LINGO2: variants seen among roughly 807,000 people sequenced by gnomAD.
The protein encoded by LINGO2 is leucine rich repeat and Ig domain containing 2, also known as leucine-rich repeat and immunoglobulin-like domain-containing nogo receptor-interacting protein 2.
LINGO2 carries 14 observed loss-of-function variants against 30.6 expected under a neutral mutation model. The ratio of observed to expected loss-of-function variants is 0.46; its 90% CI spans 0.30 to 0.72. The LOEUF is 0.72. Ranked by LOEUF, LINGO2 falls within the 30% of genes least tolerant of loss-of-function variation. The pLI is 0.07. For synonymous variants in LINGO2, 317 were observed against 288.5 expected, an observed-to-expected ratio of 1.10 and a Z score of -1.00; for missense variants, 729 against 751.7, an observed-to-expected ratio of 0.97 and a Z score of 0.35.
intron 4 of LINGO2, among the ~76,000 whole-genome samples, chr9:28,134,992 C>T (rs1827475920): frequency 6.6e-6 from 1 of 152,206 alleles, no homozygotes; most frequent in African/African-American, 2.4e-5. Context: ...GCCTAGAAGG[C>T]TGCATAGGCC....
chr9:28,458,569 G>A (rs1233314183), intron 2 of LINGO2, among the ~76,000 whole-genome samples: 1 of 152,070 alleles, frequency 6.6e-6, no homozygotes, highest in African/African-American at 2.4e-5. Context: ...AAGATCTGGA[G>A]CAAAAACTTG....
the LINGO2 span, among the ~76,000 whole-genome samples, chr9:29,130,921 C>T: frequency 6.6e-6 from 1 of 152,042 alleles, no homozygotes; most frequent in Non-Finnish European, 1.5e-5. Flanking sequence ...AAGCCTGAGA[C>T]CTGGAATCTG....
intron 4 of LINGO2, among the ~76,000 whole-genome samples, chr9:28,016,880 C>T (rs1482166526): frequency 6.6e-6 from 1 of 151,892 alleles, no homozygotes; most frequent in Non-Finnish European, 1.5e-5. Context: ...GCAGAGACAA[C>T]AACAACAAAA....
the LINGO2 span, among the ~76,000 whole-genome samples, chr9:29,042,729 T>G: frequency 2.6e-5 from 4 of 151,974 alleles, no homozygotes; most frequent in Admixed American, 2.0e-4. Context: ...CTAAATCAAC[T>G]TAATTAACAT....
intron 4 of LINGO2, among the ~76,000 whole-genome samples, chr9:28,099,862 A>G (rs970229803): frequency 6.6e-6 from 1 of 151,926 alleles, no homozygotes; most frequent in Non-Finnish European, 1.5e-5. Flanking sequence ...CTCTTGTTCA[A>G]CTCAGACCCT....
At chr9:29,042,634 A>C in the LINGO2 span, among the ~76,000 whole-genome samples, 19 of 151,920 alleles carry the variant, frequency 1.3e-4, no homozygotes, top group Non-Finnish European at 1.5e-5. Context: ...TACCTTTAAA[A>C]CGTGTTTTAA....
At chr9:28,683,256 G>T in the LINGO2 span, among the ~76,000 whole-genome samples, 1 of 151,828 alleles carries the variant, frequency 6.6e-6, no homozygotes, top group South Asian at 2.1e-4. Context: ...CCTTTCTCTT[G>T]GTTCCAGACA....
intron 2 of LINGO2, among the ~76,000 whole-genome samples, chr9:28,411,931 AT>A (rs1036484161): frequency 6.6e-6 from 1 of 151,988 alleles, no homozygotes; most frequent in African/African-American, 2.4e-5. Flanking sequence ...AAAACTTGTT[AT>A]TTTTTTATTA....
At position 28,552,944 on chromosome 9, in the gene LINGO2, G is replaced by A. The variant is rs117613043; in HGVS notation, c.-364-76919C>T. On this transcript the variant is annotated intron_variant, in intron 1 of 5. Coordinates refer to ENST00000379992, the Ensembl canonical transcript of LINGO2. ...ATGAAGAACCTTTTCTCACATCTTT[G>A]AGGATATTAATCCCAGATATTTTGA... Among the ~76,000 whole-genome samples the A allele has an allele frequency of 4.8e-3, 723 of 149,974 alleles. 3 individuals carry two copies. Among genetic ancestry groups the A allele is most frequent in the Non-Finnish European group, 6.5e-3 (437 of 67,650 alleles).
intron 4 of LINGO2, among the ~76,000 whole-genome samples, chr9:28,047,248 T>C (rs1430201877): frequency 6.6e-6 from 1 of 152,238 alleles, no homozygotes; most frequent in East Asian, 1.9e-4. Context: ...CACCAACCTG[T>C]AGTGATCTGA....
the LINGO2 span, among the ~76,000 whole-genome samples, chr9:28,819,473 A>T: frequency 6.6e-6 from 1 of 152,296 alleles, no homozygotes; most frequent in South Asian, 2.1e-4. Context: ...ACTATTCCAC[A>T]TGCCAAATCT....
intron 1 of LINGO2, among the ~76,000 whole-genome samples, chr9:28,654,069 C>G (rs73644093): frequency 0.024 from 3,717 of 152,066 alleles, 156 homozygotes; most frequent in African/African-American, 0.082. Context: ...TATATAATGA[C>G]TTGTCTTCTT....
the LINGO2 span, among the ~76,000 whole-genome samples, chr9:28,920,295 A>G: frequency 6.6e-6 from 1 of 151,628 alleles, no homozygotes; most frequent in African/African-American, 2.4e-5. Flanking sequence ...GAGGACTAGT[A>G]TAATATATAT....
the LINGO2 span, among the ~76,000 whole-genome samples, chr9:28,866,976 C>A: frequency 2.0e-5 from 3 of 152,002 alleles, no homozygotes; most frequent in Non-Finnish European, 4.4e-5. Context: ...CATTTTTCAA[C>A]CCACACAAGC....
At chr9:28,587,484 T>C (rs1449939175) in intron 1 of LINGO2, among the ~76,000 whole-genome samples, 1 of 151,928 alleles carries the variant, frequency 6.6e-6, no homozygotes, top group Non-Finnish European at 1.5e-5. Flanking sequence ...CTCCGGAGAA[T>C]CTCAGATAGG....
the LINGO2 span, among the ~76,000 whole-genome samples, chr9:28,942,242 G>A: frequency 6.6e-6 from 1 of 152,162 alleles, no homozygotes; most frequent in South Asian, 2.1e-4. Flanking sequence ...AAATTTGGAA[G>A]TTGTTTCCTT....
intron 4 of LINGO2, among the ~76,000 whole-genome samples, chr9:28,028,467 G>A (rs1274046362): frequency 5.6e-4 from 85 of 152,128 alleles, no homozygotes; most frequent in African/African-American, 2.0e-3. Flanking sequence ...TGCTATACTT[G>A]CTCATATACA....
chr9:28,121,607 T>G (rs1237365426), intron 4 of LINGO2, among the ~76,000 whole-genome samples: 2 of 152,180 alleles, frequency 1.3e-5, no homozygotes, highest in African/African-American at 4.8e-5. Flanking sequence ...CAGCCGGGTC[T>G]CTTGGCAGAG....
chr9:28,205,843 T>A (rs1820390281), intron 4 of LINGO2, among the ~76,000 whole-genome samples: 1 of 152,146 alleles, frequency 6.6e-6, no homozygotes, highest in South Asian at 2.1e-4. Context: ...CAGTCTAAAG[T>A]GTCAGCTTCC....
Sources: allele counts gnomAD v4.1 joint callset (sites outside exome capture counted in the v4.1 genomes callset), GRCh38; gene constraint gnomAD v4.1.1; transcripts MANE v1.5; gene names NCBI Gene and HGNC (gene_info 2026-07-23, HGNC 2026-07-21).